Variants in GRIN2A observed in about 807,000 individuals in gnomAD.
The protein encoded by GRIN2A is glutamate ionotropic receptor NMDA type subunit 2A.
In GRIN2A, 22 loss-of-function variants were observed where a neutral mutation model predicts 113.4. That is an observed-to-expected ratio of 0.19 (90% CI 0.14 to 0.28). The LOEUF (loss-of-function observed/expected upper bound fraction) is 0.28. Among genes scored for constraint, GRIN2A ranks in the 10% least tolerant of loss-of-function variants. GRIN2A has a pLI of 1.00. For missense variants in GRIN2A, 1,502 were observed against 1,887.0 expected, an observed-to-expected ratio of 0.80 and a Z score of 3.78; for synonymous variants, 827 against 738.4, an observed-to-expected ratio of 1.12 and a Z score of -1.94.
At chr16:10,050,084 G>A (rs939885894) in intron 2 of GRIN2A, among the ~76,000 whole-genome samples, 1 of 152,218 alleles carries the variant, frequency 6.6e-6, no homozygotes, top group Non-Finnish European at 1.5e-5. Flanking sequence ...CTTCACAGAA[G>A]TGATTGAGGA....
chr16:10,149,992 T>C (rs1395503013), intron 2 of GRIN2A, among the ~76,000 whole-genome samples: 2 of 152,210 alleles, frequency 1.3e-5, no homozygotes, highest in Admixed American at 6.5e-5. Flanking sequence ...AGAAAATTTA[T>C]GGACAGAGAA....
In GRIN2A at chr16:9,759,850, A is replaced by G. The variant is rs1900499854; in HGVS notation, c.*3299T>C. 4.4e-6 allele frequency: 1 copy of G among 229,672 alleles called. No individual in the cohort carries two copies. The highest frequency in any genetic ancestry group is 1.8e-4 in the South Asian group (1 of 5,494). 14.2% of individuals were successfully genotyped at this position (229,672 alleles called of 1,614,324 possible). A position where few individuals can be genotyped will look rare whatever the true frequency, so the allele number is the denominator to read the frequency against. On this transcript the variant is annotated 3_prime_UTR_variant, in exon 13 of 13. Transcript: ENST00000330684. ...AGTGGCCTAAGAACCTGCAGATGTA[A>G]GGATGATGAAACCCATTTTCCAGAA... is the stretch of plus-strand genomic sequence containing the variant.
At chr16:9,931,315 G>C (rs919522239) in intron 3 of GRIN2A, among the ~76,000 whole-genome samples, 1 of 152,110 alleles carries the variant, frequency 6.6e-6, no homozygotes, top group Non-Finnish European at 1.5e-5. Context: ...TAATAATGAT[G>C]ATGATGACCA....
intron 3 of GRIN2A, among the ~76,000 whole-genome samples, chr16:9,902,604 G>C (rs9935565): frequency 0.028 from 4,212 of 152,232 alleles, 199 homozygotes; most frequent in African/African-American, 0.096. Context: ...AAATCTTTCA[G>C]ATTTCAAAGG....
intron 2 of GRIN2A, among the ~76,000 whole-genome samples, chr16:9,986,224 C>A (rs1445045773): frequency 1.3e-5 from 2 of 151,514 alleles, no homozygotes; most frequent in Non-Finnish European, 2.9e-5. Context: ...TATGCTACTA[C>A]CAAGAAAAAG....
rs148795390 is a variant in GRIN2A, at chr16:10,163,831, C to A, written c.414+16167G>T. Among the ~76,000 whole-genome samples the A allele has an allele frequency of 2.9e-3, 437 of 152,328 alleles. 2 individuals are homozygous for A. Among genetic ancestry groups the A allele is most frequent in the South Asian group, 0.013 (62 of 4,824 alleles). Reference sequence around the variant, plus strand: ...TTGTTTAAAACTCATTTTACTGCCCCCTGCCACCTGGGCAATATCCCTTTC... The same window carrying A: ...TTGTTTAAAACTCATTTTACTGCCCACTGCCACCTGGGCAATATCCCTTTC... On this transcript the variant is annotated intron_variant, in intron 2 of 12. Coordinates refer to ENST00000330684, the MANE Select transcript of GRIN2A (RefSeq NM_001134407.3).
At chr16:9,993,357 C>T (rs1336642171) in intron 2 of GRIN2A, among the ~76,000 whole-genome samples, 2 of 151,946 alleles carry the variant, frequency 1.3e-5, no homozygotes, top group African/African-American at 2.4e-5. Flanking sequence ...CGAGACTAGT[C>T]TAGGCAACAT....
intron 2 of GRIN2A, among the ~76,000 whole-genome samples, chr16:10,123,642 G>A (rs1190948774): frequency 6.6e-6 from 1 of 152,114 alleles, no homozygotes; most frequent in African/African-American, 2.4e-5. Flanking sequence ...ATTCTAGCTC[G>A]GTCAGTCTGG....
chr16:10,029,230 T>C (rs987006338), intron 2 of GRIN2A, among the ~76,000 whole-genome samples: 1 of 152,132 alleles, frequency 6.6e-6, no homozygotes, highest in Non-Finnish European at 1.5e-5. Context: ...GTTTCGCTCT[T>C]GTTGCCCAGG....
chr16:9,757,714 G>C lies in GRIN2A; in HGVS notation c.*5435C>G. 4.6e-6 allele frequency: 1 copy of C among 216,530 alleles called. No homozygotes were observed. The allele number at this position is 216,530 out of a possible 1,614,324, so 13.4% of individuals were successfully genotyped here. ...GGTCACTGCCAGCCTTTTATCTTCA[G>C]TTTGAGGTTTTAAACAATATCCCTG... On this transcript the variant is annotated 3_prime_UTR_variant, in exon 13 of 13. Transcript: ENST00000330684.
Position 9,888,701 on chromosome 16 carries a change from A to G in GRIN2A, c.1122+2285T>C, listed in dbSNP as rs1187250171. 3.3e-5 allele frequency among the ~76,000 whole-genome samples: 5 copies of G among 151,988 alleles called. No homozygotes were observed. In the East Asian group the frequency reaches 9.6e-4, roughly 29 times the overall value. On this transcript the variant is annotated intron_variant, in intron 4 of 12. Transcript: ENST00000330684. ...CAGAAAAACTTAAAAATTGTCAAAT[A>G]AAGCATCTCATGATATGCGTATGTG...
At chr16:9,927,809 T>G (rs1176765660) in intron 3 of GRIN2A, among the ~76,000 whole-genome samples, 3 of 152,204 alleles carry the variant, frequency 2.0e-5, no homozygotes, top group Non-Finnish European at 2.9e-5. Flanking sequence ...TAAATTAAAT[T>G]GTTTAAACTT....
chr16:9,787,492 A>T (rs1402192794), intron 11 of GRIN2A, among the ~76,000 whole-genome samples: 1 of 152,166 alleles, frequency 6.6e-6, no homozygotes, highest in East Asian at 1.9e-4. Flanking sequence ...TGTCTCCCTA[A>T]AACATGTAAA....
At chr16:10,131,188 G>A (rs1241995637) in intron 2 of GRIN2A, among the ~76,000 whole-genome samples, 1 of 152,186 alleles carries the variant, frequency 6.6e-6, no homozygotes, top group East Asian at 1.9e-4. Context: ...CATGCTGTGG[G>A]TGATCGATAA....
chr16:10,113,243 G>GC (rs930911572), intron 2 of GRIN2A, among the ~76,000 whole-genome samples: 6 of 151,700 alleles, frequency 4.0e-5, no homozygotes, highest in South Asian at 4.2e-4. Context: ...CCTGCCCCCA[G>GC]CCCCCCCAGG....
chr16:10,075,863 A>T (rs72774148), intron 2 of GRIN2A, among the ~76,000 whole-genome samples: 13,812 of 152,166 alleles, frequency 0.091, 706 homozygotes, highest in Non-Finnish European at 0.11. Context: ...ATGCTAAAAA[A>T]TTAAAAATTA....
At chr16:10,081,203 C>A (rs1448339429) in intron 2 of GRIN2A, among the ~76,000 whole-genome samples, 1 of 152,208 alleles carries the variant, frequency 6.6e-6, no homozygotes, top group Non-Finnish European at 1.5e-5. Flanking sequence ...TACGCCTTCC[C>A]ACACTTATTC....
chr16:10,077,708 T>C (rs1209882900), intron 2 of GRIN2A, among the ~76,000 whole-genome samples: 1 of 152,232 alleles, frequency 6.6e-6, no homozygotes, highest in African/African-American at 2.4e-5. Flanking sequence ...CCAAGCCAGC[T>C]TGGCCTCTTA....
chr16:9,857,561 G>A (rs2042990730), intron 4 of GRIN2A, among the ~76,000 whole-genome samples: 1 of 152,214 alleles, frequency 6.6e-6, no homozygotes, highest in Admixed American at 6.5e-5. Context: ...TTTGGAGCCA[G>A]CCACTCTGGC....
Sources: gnomAD v4.1 joint callset for allele counts (sites outside exome capture counted in the v4.1 genomes callset) on GRCh38, gnomAD v4.1.1 for gene constraint, MANE v1.5 for transcripts, NCBI Gene and HGNC (gene_info 2026-07-23, HGNC 2026-07-21) for gene names.